The following PPARGC1A variants were observed in gnomAD, a reference collection of about 807,000 sequenced individuals.
PPARGC1A encodes the protein PPARG coactivator 1 alpha.
A neutral mutation model predicts 88.7 loss-of-function variants in PPARGC1A; 25 were observed. The ratio of observed to expected loss-of-function variants is 0.28; its 90% CI spans 0.21 to 0.39. The LOEUF (loss-of-function observed/expected upper bound fraction) is 0.39. PPARGC1A is among the 10% of genes least tolerant of loss of function. The pLI is 1.00. For missense variants in PPARGC1A, 880 were observed against 968.7 expected, an observed-to-expected ratio of 0.91 and a Z score of 1.22; for synonymous variants, 363 against 355.6, an observed-to-expected ratio of 1.02 and a Z score of -0.24.
intron 12 of PPARGC1A, among the ~76,000 whole-genome samples, chr4:23,797,799 T>C (rs1717888766): frequency 6.6e-6 from 1 of 152,210 alleles, no homozygotes; most frequent in Non-Finnish European, 1.5e-5. Context: ...TCTCTCCCGC[T>C]AATGAAAGGA....
the PPARGC1A span, among the ~76,000 whole-genome samples, chr4:24,177,998 C>T: frequency 6.6e-6 from 1 of 152,202 alleles, no homozygotes; most frequent in Non-Finnish European, 1.5e-5. Context: ...CGTTATCTTA[C>T]AGTACTATAC....
the PPARGC1A span, among the ~76,000 whole-genome samples, chr4:24,127,576 G>A: frequency 6.6e-6 from 1 of 151,622 alleles, no homozygotes; most frequent in African/African-American, 2.4e-5. Flanking sequence ...TATATATATA[G>A]ACACTGTATT....
chr4:24,020,161 C>A, the PPARGC1A span, among the ~76,000 whole-genome samples: 2 of 152,166 alleles, frequency 1.3e-5, no homozygotes, highest in African/African-American at 2.4e-5. Flanking sequence ...TATTGACCGA[C>A]AAGCCAGTCT....
the PPARGC1A span, among the ~76,000 whole-genome samples, chr4:24,403,095 A>G: frequency 6.6e-6 from 1 of 152,238 alleles, no homozygotes; most frequent in Non-Finnish European, 1.5e-5. Context: ...TCAAGGTCAC[A>G]TAGTTAATGA....
the PPARGC1A span, among the ~76,000 whole-genome samples, chr4:23,943,608 C>T: frequency 6.6e-6 from 1 of 152,004 alleles, no homozygotes; most frequent in Non-Finnish European, 1.5e-5. Context: ...TCATGCTTCC[C>T]CCTCTAGAAA....
chr4:24,374,524 A>G, the PPARGC1A span, among the ~76,000 whole-genome samples: 1 of 151,920 alleles, frequency 6.6e-6, no homozygotes, highest in South Asian at 2.1e-4. Context: ...TACCTATGTA[A>G]CAAACCTGCA....
chr4:24,125,708 T>C, the PPARGC1A span, among the ~76,000 whole-genome samples: 39 of 152,262 alleles, frequency 2.6e-4, no homozygotes, highest in African/African-American at 9.1e-4. Flanking sequence ...TAGAGGTTCA[T>C]GTAAGAGTTG....
the PPARGC1A span, among the ~76,000 whole-genome samples, chr4:24,468,895 G>A: frequency 2.3e-4 from 35 of 152,282 alleles, no homozygotes; most frequent in African/African-American, 7.7e-4. Context: ...ATGCCTGCCT[G>A]CTACTGATGT....
At chr4:24,268,122 G>A in the PPARGC1A span, among the ~76,000 whole-genome samples, 19 of 152,142 alleles carry the variant, frequency 1.2e-4, no homozygotes, top group Non-Finnish European at 2.1e-4. Flanking sequence ...CATGTACATG[G>A]CATGGATCCA....
At chr4:24,420,247 A>G in the PPARGC1A span, among the ~76,000 whole-genome samples, 1 of 152,210 alleles carries the variant, frequency 6.6e-6, no homozygotes, top group East Asian at 1.9e-4. Flanking sequence ...TAGCCTGGTA[A>G]ATCTCAGAAC....
the PPARGC1A span, among the ~76,000 whole-genome samples, chr4:24,412,637 T>C: frequency 6.6e-6 from 1 of 152,120 alleles, no homozygotes; most frequent in Non-Finnish European, 1.5e-5. Flanking sequence ...ACCACCATCA[T>C]GGCCAGCTAA....
At chr4:24,441,397 A>G in the PPARGC1A span, among the ~76,000 whole-genome samples, 1 of 152,168 alleles carries the variant, frequency 6.6e-6, no homozygotes, top group African/African-American at 2.4e-5. Flanking sequence ...TGCTGCTGGG[A>G]GGACATCAGA....
the PPARGC1A span, among the ~76,000 whole-genome samples, chr4:24,472,213 G>C: frequency 6.6e-6 from 1 of 152,128 alleles, no homozygotes; most frequent in South Asian, 2.1e-4. This position sits in a 1 kb window ranked among gnomAD's most constrained non-coding sequence, Gnocchi z 4.5. Flanking sequence ...GGAAGGGGGG[G>C]TATCTCCTCT....
At chr4:24,198,758 G>T in the PPARGC1A span, among the ~76,000 whole-genome samples, 2 of 152,174 alleles carry the variant, frequency 1.3e-5, no homozygotes, top group African/African-American at 4.8e-5. Context: ...ATGAGAGAAA[G>T]CCAATAAAGG....
the PPARGC1A span, among the ~76,000 whole-genome samples, chr4:24,283,582 T>C: frequency 1.3e-5 from 2 of 152,188 alleles, no homozygotes; most frequent in Non-Finnish European, 2.9e-5. Context: ...GACCAATAAA[T>C]AGAAAGAATG....
At chr4:23,885,124 C>G (rs1183153973) in intron 1 of PPARGC1A, among the ~76,000 whole-genome samples, 193 bp from the exon 2 acceptor site, 1 of 152,162 alleles carries the variant, frequency 6.6e-6, no homozygotes, top group Admixed American at 6.5e-5. Flanking sequence ...GATAATTTCC[C>G]TGCTTTATTC....
rs529175088 is a variant in PPARGC1A at position 23,824,467 on chromosome 4, G to A, written c.799C>T (p.Pro267Ser). The A allele has an allele frequency of 7.5e-6, 12 of 1,610,554 alleles. No homozygotes were observed. The African/African-American group carries it at 1.6e-4, about 22-fold the overall frequency. ...GTTACATTTCTTAATACTTACTTTG[G>A]TGACTCTGGGGTCAGAGGAAGAGAT... ...TLSLPLTPES[P>S]NDPKGSPFEN... The change falls in exon 6 of 13, where the codon CCA becomes TCA. Residue 267 changes from proline to serine, a missense_variant. By Grantham distance (74) the Pro-to-Ser change is moderately conservative (BLOSUM62 -1). Transcript: ENST00000264867.
At chr4:24,149,795 T>C in the PPARGC1A span, among the ~76,000 whole-genome samples, 1 of 152,224 alleles carries the variant, frequency 6.6e-6, no homozygotes, top group Admixed American at 6.5e-5. Context: ...CCTCCTGCAT[T>C]AAGCTAGTTA....
chr4:23,832,606 CTTTTTCT>C (rs1425541745), intron 2 of PPARGC1A, among the ~76,000 whole-genome samples: 5 of 146,614 alleles, frequency 3.4e-5, no homozygotes, highest in South Asian at 2.2e-4. Context: ...TTTTCTTTTT[CTTTTTCT>C]TTTTTTTTTT....
Sources: allele counts gnomAD v4.1 joint callset (sites outside exome capture counted in the v4.1 genomes callset), GRCh38; gene constraint gnomAD v4.1.1; non-coding constraint Gnocchi (gnomAD v3.1); transcripts MANE v1.5; gene names NCBI Gene and HGNC (gene_info 2026-07-23, HGNC 2026-07-21).